The following RBM19 variants were observed in gnomAD, a reference collection of about 807,000 sequenced individuals.
RBM19 encodes the protein RNA binding motif protein 19, also known as probable RNA-binding protein 19.
Under a neutral mutation model 116.8 loss-of-function variants are expected in RBM19, and 94 were observed. The observed-to-expected ratio is 0.80, with a 90% CI of 0.68 to 0.95. The LOEUF is 0.95. RBM19 is among the 40% of genes least tolerant of loss of function. RBM19 has a pLI of 0.00. For synonymous variants in RBM19, 475 were observed against 494.1 expected (o/e 0.96, Z 0.51); for missense variants, 1,161 against 1,220.7 (o/e 0.95, Z 0.73).
chr12:113,879,231 A>T (rs547736095), intron 21 of RBM19, among the ~76,000 whole-genome samples: 2 of 152,162 alleles, frequency 1.3e-5, no homozygotes, highest in Admixed American at 6.5e-5. Flanking sequence ...CACATTCTGT[A>T]CATTTCTTGC....
At chr12:113,959,436 A>G in intron 4 of RBM19, 32 bp from the exon 5 acceptor site, 1 of 1,587,794 alleles carries the variant, frequency 6.3e-7, no homozygotes, top group Non-Finnish European at 8.6e-7. Context: ...CGGCAGGGAC[A>G]CGGGAAAAAG....
chr12:113,931,999 T>G (rs896870273), intron 16 of RBM19, among the ~76,000 whole-genome samples: 3 of 152,218 alleles, frequency 2.0e-5, no homozygotes, highest in Non-Finnish European at 2.9e-5. Context: ...TCTCCAGCAC[T>G]GGGCTCAGAA....
chr12:113,923,251 A>G (rs902977614), intron 18 of RBM19, among the ~76,000 whole-genome samples: 11 of 152,140 alleles, frequency 7.2e-5, no homozygotes, highest in Non-Finnish European at 1.3e-4. Context: ...ATGGGCATAT[A>G]GAAGGAGGAT....
At chr12:113,935,494 C>T (rs1047869520) in intron 16 of RBM19, among the ~76,000 whole-genome samples, 7 of 152,154 alleles carry the variant, frequency 4.6e-5, no homozygotes, top group Admixed American at 1.3e-4. Context: ...AACTCATAAA[C>T]GAGCAGGAGT....
chr12:113,833,548 C>T (rs970343767), intron 23 of RBM19, among the ~76,000 whole-genome samples: 2 of 152,222 alleles, frequency 1.3e-5, no homozygotes, highest in Non-Finnish European at 2.9e-5. Context: ...CTGCTTTGAA[C>T]ACACTCTGAC....
At chr12:113,823,879 A>C in intron 23 of RBM19, among the ~76,000 whole-genome samples, 1 of 152,220 alleles carries the variant, frequency 6.6e-6, no homozygotes, top group Non-Finnish European at 1.5e-5. Flanking sequence ...CTAATGGTGC[A>C]GTACATGGCT....
chr12:113,908,919 G>A (rs1384173235), intron 21 of RBM19, among the ~76,000 whole-genome samples: 2 of 152,258 alleles, frequency 1.3e-5, no homozygotes, highest in African/African-American at 4.8e-5. Flanking sequence ...ACATGACAGT[G>A]AGCCAGTCAG....
intron 21 of RBM19, among the ~76,000 whole-genome samples, chr12:113,892,858 G>A (rs1881051132): frequency 6.6e-6 from 1 of 152,064 alleles, no homozygotes; most frequent in Admixed American, 6.6e-5. Flanking sequence ...TGGTATCCGT[G>A]TTCGGTGCAG....
intron 23 of RBM19, among the ~76,000 whole-genome samples, chr12:113,837,595 C>A (rs1023296882): frequency 6.6e-6 from 1 of 152,178 alleles, no homozygotes; most frequent in South Asian, 2.1e-4. Context: ...TGAGGCAGAG[C>A]GACTTGCCTG....
At chr12:113,879,727 G>A (rs1002519360) in intron 21 of RBM19, among the ~76,000 whole-genome samples, 1 of 152,036 alleles carries the variant, frequency 6.6e-6, no homozygotes, top group Non-Finnish European at 1.5e-5. Context: ...TCCCTAGGCT[G>A]CTGGGGAGCT....
intron 21 of RBM19, among the ~76,000 whole-genome samples, chr12:113,862,728 G>A (rs1002125875): frequency 1.4e-4 from 22 of 152,132 alleles, no homozygotes; most frequent in Admixed American, 7.2e-4. Context: ...CAACTCTGCC[G>A]CTCGGGGGGA....
At chr12:113,843,040 T>C (rs1053089073) in intron 23 of RBM19, among the ~76,000 whole-genome samples, 2 of 152,196 alleles carry the variant, frequency 1.3e-5, no homozygotes, top group African/African-American at 4.8e-5. Flanking sequence ...CCAAGTCCAC[T>C]TGTGGGGGAT....
At chr12:113,881,117 G>A (rs1012260094) in intron 21 of RBM19, among the ~76,000 whole-genome samples, 9 of 152,188 alleles carry the variant, frequency 5.9e-5, no homozygotes, top group African/African-American at 2.2e-4. Flanking sequence ...GTCTGAGGAG[G>A]CAGGAGGGAG....
chr12:113,858,078 TCAATGCCACGAGGG>T (rs1286356054), intron 22 of RBM19, among the ~76,000 whole-genome samples: 1 of 152,210 alleles, frequency 6.6e-6, no homozygotes, highest in African/African-American at 2.4e-5. Context: ...GACCTGGAGC[TCAATGCCACGAGGG>T]CAGTGGCTTT....
intron 18 of RBM19, 26 bp from the exon 19 acceptor site, chr12:113,920,716 C>A (rs199568921): frequency 1.2e-6 from 2 of 1,601,990 alleles, no homozygotes; most frequent in African/African-American, 2.7e-5. Flanking sequence ...GGAAATCACA[C>A]CAGTCGGTGA....
At chr12:113,920,762 G>A (rs779436539) in intron 18 of RBM19, 72 bp from the exon 19 acceptor site, 198 of 1,376,192 alleles carry the variant, frequency 1.4e-4, no homozygotes, top group Non-Finnish European at 1.8e-4. Flanking sequence ...GGGCTGTGAC[G>A]GGCCCCCAGA....
rs1487627647 is a variant in RBM19, at chr12:113,960,136, C to T, written c.262G>A (p.Ala88Thr). ...GGTTTCTGGGCATGTTTGCTCCAGG[C>T]TCTGGGTTTGGCCGGGTCCCCGAAT... Reference protein sequence around the residue: ...KSFGDPAKPRAWSKHAQKPSQ... With the variant: ...KSFGDPAKPRTWSKHAQKPSQ... Residue 88 changes from alanine (A) to threonine (T), a missense_variant, in exon 3 of 24, where the codon GCC becomes ACC. Coordinates refer to ENST00000261741, the MANE Select transcript of RBM19 (RefSeq NM_016196.4). 1.9e-6 allele frequency: 3 copies of T among 1,614,108 alleles called. No homozygotes were observed. In the East Asian group the frequency reaches 6.7e-5, roughly 36 times the overall value.
At chr12:113,859,882 G>A (rs963860944) in intron 21 of RBM19, among the ~76,000 whole-genome samples, 3 of 152,086 alleles carry the variant, frequency 2.0e-5, no homozygotes, top group Admixed American at 6.5e-5. Flanking sequence ...GATGCTTCGG[G>A]GCCAAAGACT....
At chr12:113,828,767 C>T (rs1205410659) in intron 23 of RBM19, among the ~76,000 whole-genome samples, 1 of 152,116 alleles carries the variant, frequency 6.6e-6, no homozygotes, top group Middle Eastern at 3.2e-3. Flanking sequence ...CAGACCCCCA[C>T]CCTCAGCTGC....
Sources: gnomAD v4.1 joint callset for allele counts (sites outside exome capture counted in the v4.1 genomes callset) on GRCh38, gnomAD v4.1.1 for gene constraint, MANE v1.5 for transcripts, NCBI Gene and HGNC (gene_info 2026-07-23, HGNC 2026-07-21) for gene names.